The following FXYD6 variants were observed in gnomAD, a reference collection of about 807,000 sequenced individuals.
The protein encoded by FXYD6 is FXYD domain-containing ion transport regulator 6.
FXYD6 carries 7 observed loss-of-function variants against 16.7 expected under a neutral mutation model. That is an observed-to-expected ratio of 0.42 (90% confidence interval 0.24 to 0.79). The LOEUF (loss-of-function observed/expected upper bound fraction) is 0.79. Ranked by LOEUF, FXYD6 falls within the 30% of genes least tolerant of loss-of-function variation. The pLI, the probability that FXYD6 is intolerant of heterozygous loss-of-function variation, is 0.28. For synonymous variants in FXYD6, 49 were observed against 43.0 expected, an observed-to-expected ratio of 1.14 and a Z score of -0.54; for missense variants, 111 against 116.2, an observed-to-expected ratio of 0.95 and a Z score of 0.21.
At chr11:117,841,660 A>G in intron 4 of FXYD6, 131 bp downstream of exon 4, 2 of 953,948 alleles carry the variant, frequency 2.1e-6, no homozygotes, top group Non-Finnish European at 3.3e-6. Context: ...CTGGGTCGTG[A>G]AGATAACACG....
intron 1 of FXYD6, among the ~76,000 whole-genome samples, chr11:117,865,494 A>AT (rs1196648348): frequency 6.6e-6 from 1 of 152,250 alleles, no homozygotes; most frequent in East Asian, 1.9e-4. Context: ...ATGGATAAGC[A>AT]AAATGTGGTA....
chr11:117,858,777 C>CTTCCTTCT (rs1356939879), intron 1 of FXYD6, among the ~76,000 whole-genome samples: 3,324 of 75,438 alleles, frequency 0.044, 366 homozygotes, highest in East Asian at 0.11. Flanking sequence ...TCCTTCCTTC[C>CTTCCTTCT]TTCTTTCTTT....
intron 1 of FXYD6, among the ~76,000 whole-genome samples, chr11:117,856,031 T>C (rs2056718794): frequency 6.6e-6 from 1 of 152,120 alleles, no homozygotes; most frequent in South Asian, 2.1e-4. Context: ...TATCTCCATA[T>C]TGGCAAGCAG....
At chr11:117,838,466 G>A in intron 7 of FXYD6, 189 bp from the exon 8 acceptor site, 1 of 609,158 alleles carries the variant, frequency 1.6e-6, no homozygotes, top group Non-Finnish European at 2.9e-6. Flanking sequence ...CAGGTGGGCT[G>A]GAGCCTGGCA....
chr11:117,841,827 C>T lies in FXYD6; in HGVS notation c.136G>A (p.Val46Met), dbSNP rs2056352460. Reference protein sequence around the residue: ...TLRIGGLVFAVVLFSVGILLI... With the variant: ...TLRIGGLVFAMVLFSVGILLI... Reference sequence around the variant, plus strand: ...AGGATCCCAACCGAGAAGAGGACCACAGCGAACACCAGTCCCCCAATCCTC... The same window carrying T: ...AGGATCCCAACCGAGAAGAGGACCATAGCGAACACCAGTCCCCCAATCCTC... The change falls in exon 4 of 8, where the codon GTG becomes ATG. Residue 46 changes from valine to methionine, a missense_variant. Coordinates refer to ENST00000526014, the MANE Select transcript of FXYD6 (RefSeq NM_022003.4). 1.2e-6 allele frequency: 2 copies of T among 1,613,808 alleles called. No homozygotes were observed. Among genetic ancestry groups the T allele is most frequent in the African/African-American group, 2.7e-5 (2 of 74,834 alleles).
intron 1 of FXYD6, among the ~76,000 whole-genome samples, chr11:117,851,987 T>G (rs527274425): frequency 6.6e-6 from 1 of 152,264 alleles, no homozygotes; most frequent in Non-Finnish European, 1.5e-5. Flanking sequence ...TCTCCCTTGC[T>G]GGCTTGAAAA....
intron 1 of FXYD6, among the ~76,000 whole-genome samples, chr11:117,847,342 T>C (rs943900086): frequency 2.2e-4 from 34 of 151,900 alleles, no homozygotes; most frequent in African/African-American, 8.0e-4. Context: ...TTATTTCTAT[T>C]TTTTTTTAGA....
chr11:117,843,873 A>G, intron 1 of FXYD6: 1 of 152,522 alleles, frequency 6.6e-6, no homozygotes, highest in Non-Finnish European at 1.5e-5. Flanking sequence ...TGGTGGAAGC[A>G]GGAGGCAGGG....
At chr11:117,866,959 C>T (rs2057026133) in intron 1 of FXYD6, among the ~76,000 whole-genome samples, 1 of 152,162 alleles carries the variant, frequency 6.6e-6, no homozygotes, top group African/African-American at 2.4e-5. Flanking sequence ...AATGTATCTG[C>T]CTCCACAACA....
In FXYD6 at chr11:117,841,790, C is replaced by T; in HGVS notation, c.172+1G>A. 6.2e-7 allele frequency: 1 copy of T among 1,613,854 alleles called. No homozygotes were observed. Among genetic ancestry groups the T allele is most frequent in the Non-Finnish European group, 8.5e-7 (1 of 1,180,018 alleles). On this transcript the variant is annotated splice_donor_variant, in intron 4 of 7. Coordinates refer to ENST00000526014, the MANE Select transcript of FXYD6 (RefSeq NM_022003.4). LOFTEE classifies it high-confidence loss of function. ...CAGAGTGAGCAAAAGAACAAACTTA[C>T]TTAGGATAAGGAGGATCCCAACCGA...
At chr11:117,847,037 C>T (rs943830613) in intron 1 of FXYD6, among the ~76,000 whole-genome samples, 3 of 152,126 alleles carry the variant, frequency 2.0e-5, no homozygotes, top group Admixed American at 2.0e-4. Flanking sequence ...TGTTTAGGTC[C>T]TTTTCAATAA....
At chr11:117,864,486 CTT>C (rs1699746983) in intron 1 of FXYD6, among the ~76,000 whole-genome samples, 1 of 152,132 alleles carries the variant, frequency 6.6e-6, no homozygotes. Flanking sequence ...ACTTAAAACT[CTT>C]AGAAAAAAAC....
intron 1 of FXYD6, among the ~76,000 whole-genome samples, chr11:117,858,670 T>A (rs1197508900): frequency 4.7e-5 from 4 of 85,864 alleles, no homozygotes; most frequent in Non-Finnish European, 8.6e-5. Context: ...TTTCTTTCTT[T>A]CTTTCTTTCT....
Position 117,872,666 on chromosome 11 carries a change from C to G in FXYD6, c.-6+3926G>C, listed in dbSNP as rs936063163. ...AGCTGGGGCAGCCCCATTCCCATGG[C>G]CCCAGCCTGGTCCGTGGGGGCCCAG... On this transcript the variant is annotated intron_variant, in intron 1 of 7. Coordinates refer to ENST00000526014, the MANE Select transcript of FXYD6 (RefSeq NM_022003.4). The surrounding 1 kb of genome is among the most constrained non-coding windows in gnomAD (Gnocchi z 4.9). Among the ~76,000 whole-genome samples the G allele has an allele frequency of 6.6e-6, 1 of 152,210 alleles. No individual in the cohort carries two copies. Among genetic ancestry groups the G allele is most frequent in the African/African-American group, 2.4e-5 (1 of 41,450 alleles).
At chr11:117,845,781 G>T (rs2056454169) in intron 1 of FXYD6, among the ~76,000 whole-genome samples, 1 of 152,196 alleles carries the variant, frequency 6.6e-6, no homozygotes, top group Non-Finnish European at 1.5e-5. Context: ...ATTTTACATT[G>T]CAACCCAGCA....
chr11:117,868,220 A>G (rs59719469), intron 1 of FXYD6, among the ~76,000 whole-genome samples: 188 of 152,186 alleles, frequency 1.2e-3, no homozygotes, highest in African/African-American at 4.4e-3. Context: ...ATGGTTTGGT[A>G]TGTTTGTCTC....
chr11:117,839,695 C>G, intron 7 of FXYD6, 86 bp downstream of exon 7: 15 of 1,541,198 alleles, frequency 9.7e-6, no homozygotes, highest in Middle Eastern at 1.7e-4. Flanking sequence ...AAAAGCTAGC[C>G]CCATCCTTCC....
chr11:117,858,281 A>C (rs1445954643), intron 1 of FXYD6: 1 of 152,346 alleles, frequency 6.6e-6, no homozygotes, highest in Middle Eastern at 3.2e-3. Flanking sequence ...CTTTGGCTGA[A>C]GTTCTCTTGC....
chr11:117,852,679 G>A (rs755088581), intron 1 of FXYD6, among the ~76,000 whole-genome samples: 3 of 152,124 alleles, frequency 2.0e-5, no homozygotes, highest in African/African-American at 4.8e-5. Flanking sequence ...CCTTTTCATC[G>A]TTATGAAAAA....
Sources: gnomAD v4.1 joint callset for allele counts (sites outside exome capture counted in the v4.1 genomes callset) on GRCh38, gnomAD v4.1.1 for gene constraint, Gnocchi (gnomAD v3.1) non-coding constraint, MANE v1.5 for transcripts, NCBI Gene and HGNC (gene_info 2026-07-23, HGNC 2026-07-21) for gene names.